Variants in AMOTL1 observed in about 807,000 individuals in gnomAD.
AMOTL1 encodes the protein angiomotin-like protein 1.
A neutral mutation model predicts 102.9 loss-of-function variants in AMOTL1; 45 were observed. That is an observed-to-expected ratio of 0.44 (90% CI 0.34 to 0.56). AMOTL1 has a LOEUF of 0.56. Ranked by LOEUF, AMOTL1 falls within the 20% of genes least tolerant of loss-of-function variation. AMOTL1 has a pLI of 0.01. For missense variants in AMOTL1, 1,114 were observed against 1,225.6 expected (o/e 0.91, Z 1.36); for synonymous variants, 481 against 484.7 (o/e 0.99, Z 0.10).
In AMOTL1 at chr11:94,800,222, G is replaced by T. The variant is rs776986671; in HGVS notation, c.1032G>T (p.Glu344Asp). 4 of 1,614,014 alleles carry T rather than the reference G, an allele frequency of 2.5e-6. No homozygotes were observed. Among genetic ancestry groups the T allele is most frequent in the Non-Finnish European group, 3.4e-6 (4 of 1,179,896 alleles). The change falls in exon 3 of 13, where the codon GAG becomes GAT. Residue 344 changes from glutamate to aspartate, a missense_variant. Transcript: ENST00000433060. ...YGDQHPGMLH[E>D]MVKPYPAPQP... is the part of the protein sequence containing the mutation. Reference sequence around the variant, plus strand: ...ACCAGCACCCCGGGATGCTCCACGAGATGGTCAAGCCCTACCCTGCTCCTC... The same window carrying T: ...ACCAGCACCCCGGGATGCTCCACGATATGGTCAAGCCCTACCCTGCTCCTC...
At chr11:94,754,570 G>A (rs747471749) in intron 3 of AMOTL1, among the ~76,000 whole-genome samples, 4 of 152,154 alleles carry the variant, frequency 2.6e-5, no homozygotes, top group Non-Finnish European at 4.4e-5. Context: ...TATTCAGTGG[G>A]ACAAAGCTGT....
At chr11:94,812,704 G>A (rs1306181617) in intron 3 of AMOTL1, among the ~76,000 whole-genome samples, 6 of 152,256 alleles carry the variant, frequency 3.9e-5, no homozygotes, top group Admixed American at 2.0e-4. Flanking sequence ...TTTCCAGCTC[G>A]ACTTTTCCCT....
intron 6 of AMOTL1, among the ~76,000 whole-genome samples, chr11:94,849,174 T>C (rs534538112): frequency 1.6e-4 from 24 of 152,324 alleles, no homozygotes; most frequent in Admixed American, 1.4e-3. Context: ...CTTTTTTTCA[T>C]GTCACTAGTA....
intron 4 of AMOTL1, among the ~76,000 whole-genome samples, chr11:94,822,589 C>T (rs779241304): frequency 3.9e-5 from 6 of 152,108 alleles, no homozygotes; most frequent in South Asian, 2.1e-4. Flanking sequence ...GTCAAGAGTA[C>T]GAGTTATTGT....
intron 3 of AMOTL1, among the ~76,000 whole-genome samples, chr11:94,815,649 ATAT>A (rs1951752787): frequency 6.6e-6 from 1 of 152,128 alleles, no homozygotes; most frequent in African/African-American, 2.4e-5. Context: ...AAGGAAAATA[ATAT>A]TTGTCTCATT....
chr11:94,818,924 A>C (rs1951813590), intron 3 of AMOTL1, among the ~76,000 whole-genome samples: 1 of 152,184 alleles, frequency 6.6e-6, no homozygotes, highest in Admixed American at 6.5e-5. Context: ...CCACTTTCAT[A>C]CCTGCCTATT....
intron 1 of AMOTL1, among the ~76,000 whole-genome samples, chr11:94,708,411 C>A (rs2135424143): frequency 6.6e-6 from 1 of 152,260 alleles, no homozygotes; most frequent in East Asian, 1.9e-4. Flanking sequence ...ACCTTGGAAC[C>A]ATGTGGGTCT....
chr11:94,798,591 A>G (rs1951410146), intron 2 of AMOTL1, among the ~76,000 whole-genome samples: 1 of 152,164 alleles, frequency 6.6e-6, no homozygotes, highest in Non-Finnish European at 1.5e-5. Flanking sequence ...TGTATGGGTC[A>G]TGAGTCAGTA....
chr11:94,838,655 A>G (rs1333678506), intron 6 of AMOTL1, among the ~76,000 whole-genome samples: 7 of 152,366 alleles, frequency 4.6e-5, no homozygotes, highest in African/African-American at 1.7e-4. Context: ...CAAAAGGAGA[A>G]AATATTGAAG....
chr11:94,822,266 G>A (rs1951881161), intron 4 of AMOTL1, among the ~76,000 whole-genome samples: 1 of 152,118 alleles, frequency 6.6e-6, no homozygotes, highest in South Asian at 2.1e-4. Flanking sequence ...TGGGCAACAT[G>A]CCAAGACCCT....
intron 1 of AMOTL1, among the ~76,000 whole-genome samples, chr11:94,781,121 T>C (rs1360549807): frequency 6.6e-6 from 1 of 152,098 alleles, no homozygotes; most frequent in Non-Finnish European, 1.5e-5. Context: ...GGAGCCTTTT[T>C]TTCCCCTAGT....
Position 94,807,085 on chromosome 11 carries a change from C to T in AMOTL1, c.1121+6774C>T, listed in dbSNP as rs961448932. On this transcript the variant is annotated intron_variant, in intron 3 of 12. Transcript: ENST00000433060. ...GGTTTTTGCCATAATAACTGATTTT[C>T]TTCGTTCGATAAATAAAACATATTC... 9.9e-5 allele frequency among the ~76,000 whole-genome samples: 15 copies of T among 152,106 alleles called. No individual in the cohort carries two copies. The South Asian group carries it at 2.3e-3, about 23-fold the overall frequency.
At chr11:94,829,363 C>T (rs1437905949) in intron 4 of AMOTL1, among the ~76,000 whole-genome samples, 2 of 151,936 alleles carry the variant, frequency 1.3e-5, no homozygotes, top group African/African-American at 4.8e-5. Flanking sequence ...GCTGGGGTTA[C>T]AGGTACCCAC....
At chr11:94,796,549 C>G (rs1412985996) in intron 2 of AMOTL1, among the ~76,000 whole-genome samples, 1 of 152,110 alleles carries the variant, frequency 6.6e-6, no homozygotes, top group African/African-American at 2.4e-5. Context: ...GGCCATTCAG[C>G]ATGTCTAAAT....
At chr11:94,722,092 T>C (rs184010782) in intron 1 of AMOTL1, among the ~76,000 whole-genome samples, 19 of 152,230 alleles carry the variant, frequency 1.2e-4, no homozygotes, top group African/African-American at 4.6e-4. Context: ...CAGGTGGTGT[T>C]GTTTATGGCT....
intron 11 of AMOTL1, among the ~76,000 whole-genome samples, chr11:94,867,521 G>A (rs72973828): frequency 0.013 from 2,024 of 152,306 alleles, 21 homozygotes; most frequent in Non-Finnish European, 0.022. Context: ...GGAGCCGGAG[G>A]ACTTGTTTGA....
At chr11:94,782,313 A>G (rs1274287433) in intron 1 of AMOTL1, among the ~76,000 whole-genome samples, 1 of 152,174 alleles carries the variant, frequency 6.6e-6, no homozygotes, top group Non-Finnish European at 1.5e-5. Context: ...TGAAATTTTA[A>G]TTTTGGAATT....
chr11:94,863,279 TAAA>T (rs57178685), intron 9 of AMOTL1, among the ~76,000 whole-genome samples: 4 of 120,542 alleles, frequency 3.3e-5, no homozygotes, highest in Non-Finnish European at 1.9e-5. Context: ...GGCTATTCTG[TAAA>T]AAAAAAAAAA....
rs114946335 is a variant in AMOTL1, at chr11:94,867,960, A to G, written c.2489-1238A>G. On this transcript the variant is annotated intron_variant, in intron 11 of 12. Coordinates refer to ENST00000433060, the MANE Select transcript of AMOTL1 (RefSeq NM_130847.3). ...CATTTCCTTCTCCGTAAGACAGGAT[A>G]AGGCCTGTCTCGCAGGAATGACATG... 5.6e-3 allele frequency among the ~76,000 whole-genome samples: 848 copies of G among 152,290 alleles called. 6 individuals carry two copies. Among genetic ancestry groups the G allele is most frequent in the African/African-American group, 0.019 (794 of 41,540 alleles).
Sources: allele counts gnomAD v4.1 joint callset (sites outside exome capture counted in the v4.1 genomes callset), GRCh38; gene constraint gnomAD v4.1.1; transcripts MANE v1.5; gene names NCBI Gene and HGNC (gene_info 2026-07-23, HGNC 2026-07-21).